CD44: variants seen among roughly 807,000 people sequenced by gnomAD.
CD44 encodes CD44 antigen.
CD44 carries 49 observed loss-of-function variants against 88.8 expected under a neutral mutation model. The observed-to-expected ratio is 0.55, with a 90% CI of 0.44 to 0.70. CD44 has a LOEUF of 0.70. CD44 is among the 30% of genes least tolerant of loss of function. CD44 has a pLI of 0.00. For synonymous variants in CD44, 325 were observed against 312.3 expected, an observed-to-expected ratio of 1.04 and a Z score of -0.43; for missense variants, 883 against 913.8, an observed-to-expected ratio of 0.97 and a Z score of 0.43.
In CD44 at chr11:35,211,240, A is replaced by G; in HGVS notation, c.1607-6A>G. The G allele has an allele frequency of 6.2e-7, 1 of 1,610,984 alleles. No homozygotes were observed. Among genetic ancestry groups the G allele is most frequent in the Non-Finnish European group, 8.5e-7 (1 of 1,177,210 alleles). On this transcript the variant is annotated splice_polypyrimidine_tract_variant and splice_region_variant and intron_variant, in intron 13 of 17. Transcript: ENST00000428726. ...CGGGTTCATCACTGATTCCACCTCC[A>G]CACAGATAGGAATGATGTCACAGGT...
intron 17 of CD44, chr11:35,222,500 A>C: frequency 8.5e-7 from 1 of 1,173,218 alleles, no homozygotes; most frequent in Non-Finnish European, 1.1e-6. Context: ...TCACCTCGCT[A>C]GAACTGACAC....
chr11:35,211,222 A>G, intron 13 of CD44, 24 bp from the exon 14 acceptor site: 1 of 1,589,446 alleles, frequency 6.3e-7, no homozygotes. Context: ...ATACGGGTTC[A>G]TCACTGATTC....
chr11:35,173,492 A>G (rs1944130781), intron 1 of CD44, among the ~76,000 whole-genome samples: 1 of 152,334 alleles, frequency 6.6e-6, no homozygotes, highest in Middle Eastern at 3.4e-3. Flanking sequence ...GAACACCATT[A>G]GGCTTGAAAA....
rs1412958421 is a variant in CD44, at chr11:35,154,085, A to C, written c.67+14715A>C. On this transcript the variant is annotated intron_variant, in intron 1 of 17. Transcript: ENST00000428726. ...AGAAGGGAAACAAAAATTCTGGAGAAGCAAAAAGTGTCATATGGTATAGAA... is the reference window on the plus strand; with the variant it reads ...AGAAGGGAAACAAAAATTCTGGAGACGCAAAAAGTGTCATATGGTATAGAA... Among the ~76,000 whole-genome samples the C allele has an allele frequency of 2.6e-5, 4 of 152,248 alleles. No homozygotes were observed. In the East Asian group the frequency reaches 7.7e-4, roughly 29 times the overall value.
chr11:35,180,442 G>A (rs1208716581), intron 3 of CD44, 35 bp downstream of exon 3: 1 of 1,613,308 alleles, frequency 6.2e-7, no homozygotes, highest in Non-Finnish European at 8.5e-7. Flanking sequence ...TGGCGTGAAA[G>A]GCTGTGGGAG....
At chr11:35,152,012 C>G (rs1238594408) in intron 1 of CD44, among the ~76,000 whole-genome samples, 1 of 152,202 alleles carries the variant, frequency 6.6e-6, no homozygotes, top group Admixed American at 6.5e-5. Context: ...ATGCCTCACC[C>G]GTGGTGGCGA....
chr11:35,153,250 C>G (rs558418360), intron 1 of CD44, among the ~76,000 whole-genome samples: 1 of 152,050 alleles, frequency 6.6e-6, no homozygotes, highest in South Asian at 2.1e-4. Context: ...CTGATCAGGA[C>G]AAGAAGACTT....
intron 7 of CD44, chr11:35,200,695 G>A (rs1326650084): frequency 1.1e-5 from 2 of 182,506 alleles, no homozygotes; most frequent in East Asian, 1.2e-4. Flanking sequence ...CAGTGACTAA[G>A]TCCCTGGGCT....
At position 35,198,808 on chromosome 11, in the gene CD44, C is replaced by G. The variant is rs147659795; in HGVS notation, c.922+562C>G. Among the ~76,000 whole-genome samples, 753 of 152,120 alleles carry G rather than the reference C, an allele frequency of 5.0e-3. 10 individuals are homozygous for G. The highest frequency in any genetic ancestry group is 0.017 in the African/African-American group (712 of 41,470). On this transcript the variant is annotated intron_variant, in intron 7 of 17. Transcript: ENST00000428726. ...CCTGGCTAACACAGTGAAACCCCAT[C>G]TCTACTAAAAAATACAAAAAATTAA...
intron 5 of CD44, 96 bp from the exon 6 acceptor site, chr11:35,196,650 C>G (rs1331060742): frequency 7.7e-7 from 1 of 1,297,982 alleles, no homozygotes; most frequent in African/African-American, 1.5e-5. Context: ...ATAGATGATT[C>G]TCTTGAGTAG....
intron 1 of CD44, among the ~76,000 whole-genome samples, chr11:35,167,509 T>C (rs537999139): frequency 2.0e-5 from 3 of 152,330 alleles, no homozygotes; most frequent in Admixed American, 2.0e-4. Context: ...GATTTATTAG[T>C]TGTGCAATCT....
chr11:35,186,808 C>T (rs1216818332), intron 3 of CD44, 24 bp from the exon 4 acceptor site: 4 of 1,441,626 alleles, frequency 2.8e-6, no homozygotes, highest in Non-Finnish European at 3.9e-6. Context: ...AAAGGGTTCT[C>T]ATCCTTTTTT....
At chr11:35,169,413 AACACAC>A (rs5791036) in intron 1 of CD44, among the ~76,000 whole-genome samples, 112 of 149,072 alleles carry the variant, frequency 7.5e-4, no homozygotes, top group South Asian at 1.9e-3. Flanking sequence ...GCCCTACCTA[AACACAC>A]ACACACACAC....
Position 35,220,273 on chromosome 11 carries a change from G to C in CD44, c.1945+886G>C, listed in dbSNP as rs543168714. On this transcript the variant is annotated intron_variant, in intron 16 of 17. Transcript: ENST00000428726. ...TCATCAGGCAGCAAGATTCTTCCCA[G>C]CTCCAGTGACAGTGCAGGTGGGATA... Among the ~76,000 whole-genome samples the C allele has an allele frequency of 3.1e-4, 47 of 152,282 alleles. 1 individual carries two copies. Among genetic ancestry groups the C allele is most frequent in the Admixed American group, 2.0e-3 (31 of 15,300 alleles).
At chr11:35,159,963 G>T (rs752351225) in intron 1 of CD44, among the ~76,000 whole-genome samples, 1 of 152,192 alleles carries the variant, frequency 6.6e-6, no homozygotes, top group African/African-American at 2.4e-5. Flanking sequence ...GAATTGAGGA[G>T]CTCAAAACAA....
At chr11:35,189,735 T>C in intron 4 of CD44, 100 bp from the exon 5 acceptor site, 1 of 807,572 alleles carries the variant, frequency 1.2e-6, no homozygotes, top group Non-Finnish European at 2.1e-6. Context: ...GTGTTTCTCA[T>C]TACAAAGGAA....
chr11:35,201,187 GGAT>G lies in CD44; in HGVS notation c.1031_1033del (p.Met344del), dbSNP rs1947281757. 6.2e-7 allele frequency: 1 copy of G among 1,607,032 alleles called. No individual in the cohort carries two copies. The highest frequency in any genetic ancestry group is 1.3e-5 in the African/African-American group (1 of 74,738). On this transcript the variant is annotated inframe_deletion, in exon 8 of 18. Transcript: ENST00000428726. Reference sequence around the variant, plus strand: ...GAAGTGCTACTTCAGACAACCACAAGGATGACTGGTAATGGGTTCTGCATATTT... The same window carrying G: ...GAAGTGCTACTTCAGACAACCACAAGGACTGGTAATGGGTTCTGCATATTT...
rs1254055423 is a variant in CD44 at position 35,230,333 on chromosome 11, G to A, written c.*1000G>A. The stretch of plus-strand genomic sequence containing the variant: ...GTTTAATGGCCACCTGTTCTCTCCT[G>A]TGAAAGGCTTTGCAAAGTCACATTA... On this transcript the variant is annotated 3_prime_UTR_variant, in exon 18 of 18. Coordinates refer to ENST00000428726, the MANE Select transcript of CD44 (RefSeq NM_000610.4). The A allele has an allele frequency of 6.6e-6, 1 of 151,980 alleles. No individual in the cohort carries two copies. Among genetic ancestry groups the A allele is most frequent in the Non-Finnish European group, 1.5e-5 (1 of 68,004 alleles). 9.4% of individuals were successfully genotyped at this position (151,980 alleles called of 1,614,324 possible). A position where few individuals can be genotyped will look rare whatever the true frequency, so the allele number is the denominator to read the frequency against.
intron 11 of CD44, among the ~76,000 whole-genome samples, chr11:35,206,669 T>TGGG (rs57972216): frequency 8.9e-5 from 13 of 146,186 alleles, no homozygotes; most frequent in Admixed American, 6.9e-5. Context: ...TGGGGGTTGG[T>TGGG]GGGGGGGGCA....
Sources: gnomAD v4.1 joint callset for allele counts (sites outside exome capture counted in the v4.1 genomes callset) on GRCh38, gnomAD v4.1.1 for gene constraint, MANE v1.5 for transcripts, NCBI Gene and HGNC (gene_info 2026-07-23, HGNC 2026-07-21) for gene names.